WNK1: variants seen among roughly 807,000 people sequenced by gnomAD.
The protein encoded by WNK1 is WNK lysine deficient protein kinase 1, also known as serine/threonine-protein kinase WNK1.
A neutral mutation model predicts 222.8 loss-of-function variants in WNK1; 38 were observed. The observed-to-expected ratio is 0.17, with a 90% CI of 0.13 to 0.22. The LOEUF (loss-of-function observed/expected upper bound fraction) is 0.22, where lower values mean the gene tolerates loss of function less well. WNK1 is among the 10% of genes least tolerant of loss of function. WNK1 has a pLI of 1.00. For synonymous variants in WNK1, 1,090 were observed against 1,092.9 expected, an observed-to-expected ratio of 1.00 and a Z score of 0.05; for missense variants, 2,348 against 2,918.4, an observed-to-expected ratio of 0.80 and a Z score of 4.50.
intron 4 of WNK1, among the ~76,000 whole-genome samples, chr12:837,403 G>A (rs1008457020): frequency 4.6e-5 from 7 of 151,790 alleles, no homozygotes; most frequent in African/African-American, 1.7e-4. Context: ...GTGAAACCCC[G>A]TCTCTACTAA....
At position 880,893 on chromosome 12, in the gene WNK1, A is replaced by G. The variant is rs1953093945; in HGVS notation, c.3005A>G (p.Asn1002Ser). The part of the protein sequence containing the change: ...PTVVQPYVES[N>S]LLVPMGGVGG... ...GTGGTGCAGCCTTATGTGGAATCAA[A>G]TCTTTTAGTTCCTATGGGTGGTGTA... Residue 1002 changes from asparagine (N) to serine (S), a missense_variant, in exon 12 of 28, where the codon AAT becomes AGT. Physicochemically the swap from Asn to Ser is conservative, Grantham distance 46. This residue lies in a region of WNK1 where 547 missense variants were observed against 558.3 expected (regional missense o/e 0.98). Transcript: ENST00000315939. The G allele has an allele frequency of 1.1e-5, 18 of 1,614,024 alleles. No homozygotes were observed. The highest frequency in any genetic ancestry group is 1.5e-5 in the Non-Finnish European group (18 of 1,180,028).
At chr12:901,239 A>G (rs952730042) in intron 26 of WNK1, among the ~76,000 whole-genome samples, 3 of 152,182 alleles carry the variant, frequency 2.0e-5, no homozygotes, top group African/African-American at 7.2e-5. Flanking sequence ...TGAAAAAAAT[A>G]TAGGTACTGG....
Position 908,878 on chromosome 12 carries a change from A to G in WNK1, c.*86A>G. 1.5e-6 allele frequency: 2 copies of G among 1,341,584 alleles called. No individual in the cohort carries two copies. The highest frequency in any genetic ancestry group is 1.4e-5 in the African/African-American group (1 of 69,628). 83.1% of individuals were successfully genotyped at this position (1,341,584 alleles called of 1,614,324 possible). A position where few individuals can be genotyped will look rare whatever the true frequency, so the allele number is the denominator to read the frequency against. On this transcript the variant is annotated 3_prime_UTR_variant, in exon 28 of 28. Coordinates refer to ENST00000315939, the MANE Select transcript of WNK1 (RefSeq NM_018979.4). ...GGGGGTGGGAAGTAGCCTATATACT[A>G]ACTACTAGTGCTGCATTTAACTGGT...
chr12:869,028 G>C, intron 8 of WNK1: 1 of 1,612,078 alleles, frequency 6.2e-7, no homozygotes, highest in Non-Finnish European at 8.5e-7. Flanking sequence ...CTTTTCTTCT[G>C]TTTCCCCCAA....
At chr12:817,900 C>T (rs953653380) in intron 2 of WNK1, among the ~76,000 whole-genome samples, 2 of 151,846 alleles carry the variant, frequency 1.3e-5, no homozygotes, top group Admixed American at 6.6e-5. Context: ...TGCAGTGAGC[C>T]GAGATTGTGC....
In WNK1 at chr12:897,616, C is replaced by T; in HGVS notation, c.6383C>T (p.Thr2128Ile). Reference protein sequence around the residue: ...APLSGRRRRPTKSKGSKSSRS... With the variant: ...APLSGRRRRPIKSKGSKSSRS... Reference sequence around the variant, plus strand: ...CTTTCAGGGAGAAGACGACGACCCACTAAAAGCAAAGGCAGCAAATCTAGT... The same window carrying T: ...CTTTCAGGGAGAAGACGACGACCCATTAAAAGCAAAGGCAGCAAATCTAGT... Residue 2128 changes from threonine (T) to isoleucine (I), a missense_variant, in exon 25 of 28, where the codon ACT (threonine) becomes ATT (isoleucine). Around this residue, in one of 13 missense-constraint regions of WNK1, gnomAD observed 1,144 missense variants for 1,273.6 expected, o/e 0.90. Transcript: ENST00000315939. The T allele has an allele frequency of 6.2e-7, 1 of 1,614,226 alleles. No homozygotes were observed.
At chr12:893,498 C>T (rs1178829397) in intron 22 of WNK1, among the ~76,000 whole-genome samples, 2 of 152,050 alleles carry the variant, frequency 1.3e-5, no homozygotes, top group Non-Finnish European at 2.9e-5. Context: ...AAGCATTGTT[C>T]CCCGGAAAGG....
chr12:826,472 C>T (rs1418114232), intron 2 of WNK1, among the ~76,000 whole-genome samples: 1 of 152,130 alleles, frequency 6.6e-6, no homozygotes, highest in Non-Finnish European at 1.5e-5. Flanking sequence ...AAGAAGGAAA[C>T]TCAAGTAGTG....
At chr12:887,348 T>C in intron 20 of WNK1, 44 bp downstream of exon 20, 2 of 1,597,786 alleles carry the variant, frequency 1.3e-6, no homozygotes, top group Non-Finnish European at 1.7e-6. Flanking sequence ...CCTACTTTCT[T>C]TGACAAAGCT....
rs72650765 is a variant in WNK1, at chr12:896,430, T to G, written c.5943T>G (p.Phe1981Leu). 10 of 1,613,926 alleles carry G rather than the reference T, an allele frequency of 6.2e-6. No individual in the cohort carries two copies. The highest frequency in any genetic ancestry group is 8.5e-6 in the Non-Finnish European group (10 of 1,180,026). Residue 1981 changes from phenylalanine to leucine, a missense_variant, in exon 24 of 28, where the codon TTT becomes TTG. By Grantham distance (22) the Phe-to-Leu change is conservative (BLOSUM62 0). Transcript: ENST00000315939. ...KKEGPVASPP[F>L]MDLEQAVLPA... Reference sequence around the variant, plus strand: ...AAGGACCAGTGGCATCTCCTCCTTTTATGGATTTGGAACAAGCTGTTCTTC... The same window carrying G: ...AAGGACCAGTGGCATCTCCTCCTTTGATGGATTTGGAACAAGCTGTTCTTC...
intron 2 of WNK1, among the ~76,000 whole-genome samples, chr12:816,916 A>G (rs1947392216): frequency 6.6e-6 from 1 of 152,208 alleles, no homozygotes; most frequent in African/African-American, 2.4e-5. Flanking sequence ...CAGTAAAGAT[A>G]TTTGTAAGTG....
intron 8 of WNK1, chr12:867,681 G>A: frequency 1.5e-6 from 1 of 652,638 alleles, no homozygotes; most frequent in Non-Finnish European, 2.6e-6. Context: ...TGATTTCATT[G>A]GCCCTGGATG....
chr12:905,454 G>A (rs995745188), intron 26 of WNK1, among the ~76,000 whole-genome samples: 1 of 152,154 alleles, frequency 6.6e-6, no homozygotes, highest in Non-Finnish European at 1.5e-5. Flanking sequence ...CATCAGGGGC[G>A]ACAGACTAGA....
Position 907,502 on chromosome 12 carries a change from A to C in WNK1, c.6644-345A>C, listed in dbSNP as rs138248606. 1.6e-4 allele frequency among the ~76,000 whole-genome samples: 24 copies of C among 152,282 alleles called. No homozygotes were observed. The East Asian group carries it at 4.6e-3, about 29-fold the overall frequency. On this transcript the variant is annotated intron_variant, in intron 26 of 27. Coordinates refer to ENST00000315939, the MANE Select transcript of WNK1 (RefSeq NM_018979.4). ...AGCAACTAGCCTTGCTGATTGTATC[A>C]CACCTCCATCAGCAACGTGATGCTG...
At chr12:899,719 A>G (rs931249929) in intron 25 of WNK1, among the ~76,000 whole-genome samples, 2 of 152,096 alleles carry the variant, frequency 1.3e-5, no homozygotes, top group African/African-American at 2.4e-5. Flanking sequence ...AATTTTAAAC[A>G]CCCATTGCTC....
At chr12:811,750 A>G (rs1946927191) in intron 1 of WNK1, among the ~76,000 whole-genome samples, 2 of 152,012 alleles carry the variant, frequency 1.3e-5, no homozygotes, top group Admixed American at 6.5e-5. Context: ...CAAGTAGACA[A>G]ACTATTGAAA....
At chr12:851,469 T>C in intron 4 of WNK1, 2 of 1,146,752 alleles carry the variant, frequency 1.7e-6, no homozygotes, top group South Asian at 1.9e-5. Flanking sequence ...AGAATAGTTT[T>C]CCTGCTGTTG....
chr12:888,948 A>G (rs953129761), intron 20 of WNK1, among the ~76,000 whole-genome samples, 192 bp from the exon 21 acceptor site: 6 of 152,254 alleles, frequency 3.9e-5, no homozygotes, highest in African/African-American at 1.4e-4. Context: ...AGTCTGACAT[A>G]CAATCTTGAG....
intron 1 of WNK1, among the ~76,000 whole-genome samples, chr12:804,097 G>A (rs1220486111): frequency 6.6e-6 from 1 of 152,130 alleles, no homozygotes; most frequent in East Asian, 1.9e-4. Context: ...TGTACCTCAA[G>A]TCCTTACCAA....
Sources: gnomAD v4.1 joint callset for allele counts (sites outside exome capture counted in the v4.1 genomes callset) on GRCh38, gnomAD v4.1.1 for gene constraint, gnomAD v4.1.1 regional missense constraint, MANE v1.5 for transcripts, NCBI Gene and HGNC (gene_info 2026-07-23, HGNC 2026-07-21) for gene names.